ABCC1: variants seen among roughly 807,000 people sequenced by gnomAD.
The protein encoded by ABCC1 is ATP binding cassette subfamily C member 1 (ABCC1 blood group), also known as multidrug resistance-associated protein 1.
In ABCC1, 83 loss-of-function variants were observed where a neutral mutation model predicts 172.9. The ratio of observed to expected loss-of-function variants is 0.48; its 90% CI spans 0.40 to 0.58. The LOEUF (loss-of-function observed/expected upper bound fraction) is 0.58, where lower values mean the gene tolerates loss of function less well. Ranked by LOEUF, ABCC1 falls within the 20% of genes least tolerant of loss-of-function variation. The pLI, the probability that ABCC1 is intolerant of heterozygous loss-of-function variation, is 0.00. For missense variants in ABCC1, 1,817 were observed against 2,002.7 expected, an observed-to-expected ratio of 0.91 and a Z score of 1.77; for synonymous variants, 937 against 825.2, an observed-to-expected ratio of 1.14 and a Z score of -2.32.
At position 16,083,468 on chromosome 16, in the gene ABCC1, G is replaced by A. The variant is rs752196316; in HGVS notation, c.2218G>A (p.Val740Met). The change falls in exon 17 of 31, where the codon GTG (valine) becomes ATG (methionine). Residue 740 changes from valine to methionine, a missense_variant. Val to Met is a conservative substitution (Grantham distance 21). Coordinates refer to ENST00000399410, the MANE Select transcript of ABCC1 (RefSeq NM_004996.4). ...GCTGGAGGAACCATATTACAGGTCC[G>A]TGATACAGGCCTGTGCCCTCCTCCC... ...CQLEEPYYRS[V>M]IQACALLPDL... 27 of 1,613,862 alleles carry A rather than the reference G, an allele frequency of 1.7e-5. No individual in the cohort carries two copies. Among genetic ancestry groups the A allele is most frequent in the African/African-American group, 2.7e-5 (2 of 74,926 alleles).
At chr16:16,131,724 G>A in intron 26 of ABCC1, 65 bp from the exon 27 acceptor site, 2 of 1,570,358 alleles carry the variant, frequency 1.3e-6, no homozygotes, top group Non-Finnish European at 1.7e-6. Context: ...GGGGAGGTCA[G>A]GGGAGTCACA....
chr16:16,049,983 C>T lies in ABCC1; in HGVS notation c.1380+1680C>T, dbSNP rs528804868. 2.0e-5 allele frequency among the ~76,000 whole-genome samples: 3 copies of T among 152,250 alleles called. No homozygotes were observed. In the South Asian group the frequency reaches 6.2e-4, roughly 32 times the overall value. ...TGTTGGAATTACAGGCGTGAGCCACCGTGCCCAGCCCACTCCCTGAAATAG... is the reference window on the plus strand; with the variant it reads ...TGTTGGAATTACAGGCGTGAGCCACTGTGCCCAGCCCACTCCCTGAAATAG... On this transcript the variant is annotated intron_variant, in intron 10 of 30. Transcript: ENST00000399410.
chr16:16,141,288 G>C lies in ABCC1; in HGVS notation c.*7G>C. On this transcript the variant is annotated 3_prime_UTR_variant, in exon 31 of 31. Transcript: ENST00000399410. ...AGACGCCGGCTTGGTGTGAGCCCCA[G>C]AGCTGGCATATCTGGTCAGAACTGC... 1 of 1,613,658 alleles carries C rather than the reference G, an allele frequency of 6.2e-7. No homozygotes were observed.
intron 13 of ABCC1, among the ~76,000 whole-genome samples, chr16:16,071,264 T>A (rs2050338176): frequency 6.6e-6 from 1 of 150,564 alleles, no homozygotes. Flanking sequence ...TTATGTATTT[T>A]TTTTTTTTTT....
At chr16:16,129,112 CT>C (rs2045568113) in intron 26 of ABCC1, among the ~76,000 whole-genome samples, 1 of 152,230 alleles carries the variant, frequency 6.6e-6, no homozygotes, top group South Asian at 2.1e-4. Context: ...TCCCCCAAAA[CT>C]TTCCCGTGTG....
At chr16:16,139,904 C>T (rs1031031757) in intron 30 of ABCC1, among the ~76,000 whole-genome samples, 24 of 152,122 alleles carry the variant, frequency 1.6e-4, no homozygotes, top group African/African-American at 5.6e-4. Flanking sequence ...TCTTAAGGGC[C>T]GGGGTAGTTT....
intron 1 of ABCC1, among the ~76,000 whole-genome samples, chr16:15,958,059 C>T (rs1047457561): frequency 6.6e-6 from 1 of 152,218 alleles, no homozygotes; most frequent in South Asian, 2.1e-4. Flanking sequence ...CCACCCCTCC[C>T]TGTTGTTGCT....
intron 5 of ABCC1, among the ~76,000 whole-genome samples, chr16:16,029,502 G>A (rs2048490312): frequency 6.6e-6 from 1 of 152,166 alleles, no homozygotes; most frequent in Non-Finnish European, 1.5e-5. Flanking sequence ...GGGGTTACAA[G>A]TGTGAGCCAC....
At chr16:16,044,750 C>A in intron 8 of ABCC1, 70 bp downstream of exon 8, 1 of 1,419,970 alleles carries the variant, frequency 7.0e-7, no homozygotes, top group Non-Finnish European at 9.9e-7. Flanking sequence ...TTGCATCAGT[C>A]ATAACCCTGG....
chr16:16,099,284 A>T (rs925396926), intron 19 of ABCC1, among the ~76,000 whole-genome samples: 3 of 152,224 alleles, frequency 2.0e-5, no homozygotes, highest in African/African-American at 7.2e-5. Context: ...ATCCTGGGGC[A>T]CAGTCAAGAC....
At chr16:16,131,743 A>G (rs1183425625) in intron 26 of ABCC1, 46 bp from the exon 27 acceptor site, 7 of 1,599,482 alleles carry the variant, frequency 4.4e-6, no homozygotes, top group East Asian at 4.5e-5. Context: ...CAGCTTTACC[A>G]GATGGACTGG....
intron 1 of ABCC1, among the ~76,000 whole-genome samples, chr16:16,002,771 CA>C (rs34530270): frequency 0.13 from 17,438 of 129,202 alleles, 1,060 homozygotes; most frequent in Middle Eastern, 0.24. Flanking sequence ...GACCTTGTCT[CA>C]AAAAAAAAAA....
intron 26 of ABCC1, among the ~76,000 whole-genome samples, chr16:16,128,077 C>T (rs1393704984): frequency 4.6e-5 from 7 of 151,524 alleles, no homozygotes; most frequent in Admixed American, 1.3e-4. Flanking sequence ...CCCACCACCC[C>T]GCCCAGCTAA....
rs902354855 is a variant in ABCC1 at position 16,114,839 on chromosome 16, C to A, written c.3153C>A (p.Asp1051Glu). The change falls in exon 23 of 31, where the codon GAC becomes GAA. Residue 1051 changes from aspartate to glutamate, a missense_variant. Asp to Glu is a conservative substitution (Grantham distance 45). This residue lies in a region of ABCC1 where 1,412 missense variants were observed against 1,600.3 expected (regional missense o/e 0.88). Coordinates refer to ENST00000399410, the MANE Select transcript of ABCC1 (RefSeq NM_004996.4). ...GILASRCLHVDLLHSILRSPM... is the reference protein window; with the variant it reads ...GILASRCLHVELLHSILRSPM... ...TGGCTTCCCGCTGTCTGCACGTGGA[C>A]CTGCTGCACAGCATCCTGCGGTCAC... 4 of 1,613,502 alleles carry A rather than the reference C, an allele frequency of 2.5e-6. No homozygotes were observed. Among genetic ancestry groups the A allele is most frequent in the Non-Finnish European group, 3.4e-6 (4 of 1,179,524 alleles).
chr16:16,074,435 C>T (rs1480976920), intron 14 of ABCC1, among the ~76,000 whole-genome samples: 1 of 152,202 alleles, frequency 6.6e-6, no homozygotes, highest in Non-Finnish European at 1.5e-5. Flanking sequence ...CTGCTAACCA[C>T]AGGCTGAAAT....
In ABCC1 at chr16:15,987,655, A is replaced by G. The variant is rs148905392; in HGVS notation, c.49-20161A>G. Among the ~76,000 whole-genome samples the G allele has an allele frequency of 4.5e-3, 693 of 152,316 alleles. 4 individuals are homozygous for G. The highest frequency in any genetic ancestry group is 0.01 in the African/African-American group (428 of 41,574). ...ACAAACTTGCCCCCACTTGAGAACC[A>G]TGGTGTTGAAACATAGATCACGGCA... On this transcript the variant is annotated intron_variant, in intron 1 of 30. Transcript: ENST00000399410.
rs778984777 is a variant in ABCC1, at chr16:16,007,875, G to C, written c.108G>C (p.Thr36=). ...ACTTCACCAAGTGCTTTCAGAACAC[G>C]GTCCTCGTGTGGGTGCCTTGTTTTT... is the stretch of plus-strand genomic sequence containing the variant. ...NPDFTKCFQN[T]VLVWVPCFYL... The change falls in exon 2 of 31, where the codon ACG becomes ACC. Residue 36 remains threonine, a synonymous_variant. Coordinates refer to ENST00000399410, the MANE Select transcript of ABCC1 (RefSeq NM_004996.4). 6.2e-7 allele frequency: 1 copy of C among 1,613,524 alleles called. No homozygotes were observed. The highest frequency in any genetic ancestry group is 1.7e-5 in the Admixed American group (1 of 59,890).
intron 23 of ABCC1, among the ~76,000 whole-genome samples, chr16:16,118,591 G>A (rs1181975892): frequency 6.6e-6 from 1 of 152,068 alleles, no homozygotes; most frequent in East Asian, 1.9e-4. Flanking sequence ...ACACCGTGGA[G>A]CAATGTGGCT....
intron 12 of ABCC1, among the ~76,000 whole-genome samples, chr16:16,062,456 CCTG>C (rs1406152845): frequency 1.3e-5 from 2 of 152,204 alleles, no homozygotes; most frequent in East Asian, 3.9e-4. Context: ...AAGCGATCCT[CCTG>C]CTTCAGCCTC....
Sources: allele counts gnomAD v4.1 joint callset (sites outside exome capture counted in the v4.1 genomes callset), GRCh38; gene constraint gnomAD v4.1.1; regional missense constraint gnomAD v4.1.1; transcripts MANE v1.5; gene names NCBI Gene and HGNC (gene_info 2026-07-23, HGNC 2026-07-21).